Variants in AGBL1 observed in about 807,000 individuals in gnomAD.
AGBL1 encodes AGBL carboxypeptidase 1.
In AGBL1, 130 loss-of-function variants were observed where a neutral mutation model predicts 118.9. The observed-to-expected ratio is 1.09, with a 90% CI of 0.95 to 1.26. AGBL1 has a LOEUF of 1.26. AGBL1 is among the 50% of genes most tolerant of loss of function. AGBL1 has a pLI of 0.00. For missense variants in AGBL1, 1,584 were observed against 1,298.1 expected (o/e 1.22, Z -3.38); for synonymous variants, 555 against 478.9 (o/e 1.16, Z -2.08).
intron 17 of AGBL1, among the ~76,000 whole-genome samples, chr15:86,332,832 A>G (rs1194946857): frequency 6.6e-6 from 1 of 152,124 alleles, no homozygotes; most frequent in Non-Finnish European, 1.5e-5. Flanking sequence ...AATTAAAAAC[A>G]CTAGAAATTA....
At chr15:86,802,290 CA>C in intron 22 of AGBL1, among the ~76,000 whole-genome samples, 1 of 147,426 alleles carries the variant, frequency 6.8e-6, no homozygotes, top group South Asian at 2.1e-4. Flanking sequence ...TTTTTTTTTT[CA>C]GTTTTCAGTA....
chr15:86,407,021 C>T (rs753524654), intron 18 of AGBL1, among the ~76,000 whole-genome samples: 4 of 152,028 alleles, frequency 2.6e-5, no homozygotes, highest in East Asian at 1.9e-4. Flanking sequence ...GCCAGATTAC[C>T]CTCCTTAGAA....
chr15:86,994,048 A>T (rs545345953), intron 24 of AGBL1, among the ~76,000 whole-genome samples: 16 of 152,150 alleles, frequency 1.1e-4, no homozygotes, highest in Non-Finnish European at 8.8e-5. Context: ...GTTCTGTGTC[A>T]CATTCATTCT....
At chr15:86,135,540 C>A (rs1350847010) in intron 1 of AGBL1, among the ~76,000 whole-genome samples, 1 of 152,162 alleles carries the variant, frequency 6.6e-6, no homozygotes, top group African/African-American at 2.4e-5. Flanking sequence ...ACTTTACATC[C>A]TGGCATCGAG....
intron 22 of AGBL1, among the ~76,000 whole-genome samples, chr15:86,826,391 C>A (rs903589213): frequency 2.0e-5 from 3 of 152,026 alleles, no homozygotes; most frequent in African/African-American, 7.2e-5. Flanking sequence ...AGAGTCGGGG[C>A]AATGGAAATA....
rs115803886 is a variant in AGBL1 at position 86,986,591 on chromosome 15, G to C, written c.3222-1396G>C. Reference sequence around the variant, plus strand: ...GGAAAAAGGGGAGGAAGATGTAGAGGAGTCATATATCTGGTGTGCTTTAGA... The same window carrying C: ...GGAAAAAGGGGAGGAAGATGTAGAGCAGTCATATATCTGGTGTGCTTTAGA... On this transcript the variant is annotated intron_variant, in intron 23 of 24. Transcript: ENST00000441037. Among the ~76,000 whole-genome samples the C allele has an allele frequency of 4.2e-3, 640 of 152,220 alleles. 11 individuals are homozygous for C. Among genetic ancestry groups the C allele is most frequent in the African/African-American group, 0.015 (625 of 41,538 alleles).
rs970056420 is a variant in AGBL1, at chr15:86,695,265, C to T, written c.3158+20829C>T. ...TAATTTTTTGTATTACCATTTCAAT[C>T]TTGCTGCTTGTTATTGGTCTGTTCA... On this transcript the variant is annotated intron_variant, in intron 22 of 22. Coordinates refer to ENST00000614907, the MANE Select transcript of AGBL1 (RefSeq NM_001386094.1). Among the ~76,000 whole-genome samples, 9 of 151,852 alleles carry T rather than the reference C, an allele frequency of 5.9e-5. 1 individual carries two copies. The highest frequency in any genetic ancestry group is 1.5e-5 in the Non-Finnish European group (1 of 67,850).
intron 21 of AGBL1, among the ~76,000 whole-genome samples, chr15:86,646,164 A>G (rs550306832): frequency 1.3e-5 from 2 of 152,188 alleles, no homozygotes; most frequent in Non-Finnish European, 2.9e-5. Context: ...CAGAGTTTCA[A>G]TGCTGTCAGT....
rs2078021318 is a variant in AGBL1, at chr15:86,761,340, C to G, written c.3158+86904C>G. Among the ~76,000 whole-genome samples the G allele has an allele frequency of 2.6e-5, 4 of 152,052 alleles. No homozygotes were observed. In the South Asian group the frequency reaches 8.3e-4, roughly 31 times the overall value. ...ACTCCAAAGTAAGGATTTAATTTTA[C>G]TGGTGAAAAACCTAGTGCTAGTGAT... is the stretch of plus-strand genomic sequence containing the variant. On this transcript the variant is annotated intron_variant, in intron 22 of 22. Coordinates refer to ENST00000614907, the MANE Select transcript of AGBL1 (RefSeq NM_001386094.1).
chr15:86,685,316 G>A (rs989715113), intron 22 of AGBL1, among the ~76,000 whole-genome samples: 2 of 152,030 alleles, frequency 1.3e-5, no homozygotes, highest in African/African-American at 2.4e-5. Flanking sequence ...AAATATCTTC[G>A]GTCATGTGAT....
chr15:86,682,797 A>G (rs2085984632), intron 22 of AGBL1, among the ~76,000 whole-genome samples: 1 of 152,130 alleles, frequency 6.6e-6, no homozygotes, highest in African/African-American at 2.4e-5. Flanking sequence ...TAAAGCAAAC[A>G]TTTATTAGGG....
intron 5 of AGBL1, among the ~76,000 whole-genome samples, chr15:86,197,359 T>C (rs553399542): frequency 6.6e-6 from 1 of 152,162 alleles, no homozygotes; most frequent in Non-Finnish European, 1.5e-5. Context: ...GAAAGAACGT[T>C]GGTAGAAGTA....
chr15:86,609,585 T>C lies in AGBL1; in HGVS notation c.2994+55048T>C, dbSNP rs117351193. 4.2e-4 allele frequency among the ~76,000 whole-genome samples: 64 copies of C among 152,276 alleles called. No individual in the cohort carries two copies. In the East Asian group the frequency reaches 0.01, roughly 24 times the overall value. On this transcript the variant is annotated intron_variant, in intron 21 of 22. Transcript: ENST00000614907. ...AGTCGATCCAGGTTATAGAACTCAA[T>C]CATAGGACACATTGCATTGTCTCCC...
intron 22 of AGBL1, among the ~76,000 whole-genome samples, chr15:86,720,924 A>G (rs548102459): frequency 1.3e-5 from 2 of 152,306 alleles, no homozygotes; most frequent in African/African-American, 2.4e-5. Flanking sequence ...TCCTCAACAC[A>G]TACACCCTCC....
At chr15:86,847,668 T>C (rs1287439883) in intron 22 of AGBL1, among the ~76,000 whole-genome samples, 1 of 152,188 alleles carries the variant, frequency 6.6e-6, no homozygotes, top group Non-Finnish European at 1.5e-5. Flanking sequence ...GTGTATGTGT[T>C]GGGGAGCACA....
At chr15:86,323,767 A>G (rs2080141556) in intron 17 of AGBL1, among the ~76,000 whole-genome samples, 1 of 152,188 alleles carries the variant, frequency 6.6e-6, no homozygotes, top group Admixed American at 6.5e-5. Context: ...GTGACTTCTG[A>G]AACTATCCTT....
intron 23 of AGBL1, among the ~76,000 whole-genome samples, chr15:86,947,576 A>T (rs2080839005): frequency 6.6e-6 from 1 of 152,230 alleles, no homozygotes; most frequent in Admixed American, 6.5e-5. Flanking sequence ...TGAAAATATC[A>T]AACTTTGTTG....
chr15:87,013,865 G>T (rs1055170465), intron 24 of AGBL1, among the ~76,000 whole-genome samples: 1 of 152,170 alleles, frequency 6.6e-6, no homozygotes, highest in African/African-American at 2.4e-5. Flanking sequence ...TGGGGTAGCA[G>T]GGAGGTCATG....
At chr15:86,218,432 G>A (rs561986142) in intron 5 of AGBL1, among the ~76,000 whole-genome samples, 1 of 152,264 alleles carries the variant, frequency 6.6e-6, no homozygotes, top group Admixed American at 6.5e-5. Flanking sequence ...TTGGGTGGGG[G>A]ACAGACTCTC....
Sources: allele counts gnomAD v4.1 joint callset (sites outside exome capture counted in the v4.1 genomes callset), GRCh38; gene constraint gnomAD v4.1.1; transcripts MANE v1.5; gene names NCBI Gene and HGNC (gene_info 2026-07-23, HGNC 2026-07-21).